The following ESR1 variants were observed in gnomAD, a reference collection of about 807,000 sequenced individuals.
ESR1 encodes the protein estrogen receptor.
Under a neutral mutation model 52.7 loss-of-function variants are expected in ESR1, and 12 were observed. The ratio of observed to expected loss-of-function variants is 0.23; its 90% confidence interval spans 0.15 to 0.37. ESR1 has a LOEUF of 0.37. Ranked by LOEUF, ESR1 falls within the 10% of genes least tolerant of loss-of-function variation. The probability of loss-of-function intolerance (pLI) is 1.00; values close to 1 mark genes in which losing one functional copy is unlikely to be tolerated. For missense variants in ESR1, 584 were observed against 779.7 expected, an observed-to-expected ratio of 0.75 and a Z score of 2.99; for synonymous variants, 305 against 316.8, an observed-to-expected ratio of 0.96 and a Z score of 0.39.
At chr6:151,739,481 A>G (rs561201826) in intron 2 of ESR1, among the ~76,000 whole-genome samples, 1 of 152,302 alleles carries the variant, frequency 6.6e-6, no homozygotes, top group Non-Finnish European at 1.5e-5. Flanking sequence ...AAGGGATTCC[A>G]AGTCCCATTC....
intron 2 of ESR1, among the ~76,000 whole-genome samples, chr6:151,758,419 G>A (rs1784428268): frequency 6.6e-6 from 1 of 152,130 alleles, no homozygotes; most frequent in South Asian, 2.1e-4. Context: ...TATAGCATGT[G>A]TGAGTTCCTG....
chr6:152,039,735 C>T (rs1337137353), intron 5 of ESR1, among the ~76,000 whole-genome samples: 2 of 152,156 alleles, frequency 1.3e-5, no homozygotes, highest in Admixed American at 1.3e-4. Flanking sequence ...TTCTGGAAAA[C>T]TTTGCCCCAG....
At chr6:151,795,252 T>A (rs890818868) in intron 2 of ESR1, among the ~76,000 whole-genome samples, 13 of 151,962 alleles carry the variant, frequency 8.6e-5, no homozygotes, top group Non-Finnish European at 1.9e-4. Flanking sequence ...GTTGGGAGGC[T>A]GAGGTGGGGG....
At chr6:151,740,192 C>A (rs1279202671) in intron 2 of ESR1, among the ~76,000 whole-genome samples, 1 of 151,748 alleles carries the variant, frequency 6.6e-6, no homozygotes, top group Non-Finnish European at 1.5e-5. Flanking sequence ...GACCTCTGCT[C>A]ACTGCAACCT....
intron 2 of ESR1, among the ~76,000 whole-genome samples, chr6:151,843,607 A>G (rs146630522): frequency 6.6e-6 from 1 of 152,312 alleles, no homozygotes; most frequent in East Asian, 1.9e-4. Flanking sequence ...GCTTAGGCTA[A>G]CCAAATTCAT....
chr6:151,716,614 T>C (rs1464697814), intron 2 of ESR1, among the ~76,000 whole-genome samples: 1 of 152,204 alleles, frequency 6.6e-6, no homozygotes, highest in Non-Finnish European at 1.5e-5. Context: ...AACTTCCTGG[T>C]GGCTTTGTTT....
intron 4 of ESR1, among the ~76,000 whole-genome samples, chr6:151,950,173 G>C (rs1480311867): frequency 6.6e-6 from 1 of 152,228 alleles, no homozygotes; most frequent in Non-Finnish European, 1.5e-5. Flanking sequence ...CAATGGAACT[G>C]TAAGTCCATT....
intron 6 of ESR1, among the ~76,000 whole-genome samples, chr6:152,110,155 T>C (rs2051114920): frequency 6.6e-6 from 1 of 152,202 alleles, no homozygotes; most frequent in African/African-American, 2.4e-5. Flanking sequence ...GAAATTAGTC[T>C]TCCTGACTTT....
chr6:152,089,664 C>T (rs1387360951), intron 6 of ESR1, among the ~76,000 whole-genome samples: 2 of 152,050 alleles, frequency 1.3e-5, no homozygotes, highest in Admixed American at 6.6e-5. Context: ...CTGCAACCTC[C>T]ACCTCCCAGG....
chr6:151,676,763 C>T (rs1162509972), intron 1 of ESR1, among the ~76,000 whole-genome samples: 2 of 152,170 alleles, frequency 1.3e-5, no homozygotes, highest in African/African-American at 4.8e-5. Context: ...CTCGCGGAAG[C>T]TGCCTCACCA....
intron 4 of ESR1, among the ~76,000 whole-genome samples, chr6:151,965,560 C>A (rs1295484697): frequency 6.6e-6 from 1 of 152,076 alleles, no homozygotes; most frequent in Non-Finnish European, 1.5e-5. Flanking sequence ...TATACCTTTC[C>A]TTTCACTTTC....
intron 3 of ESR1, among the ~76,000 whole-genome samples, chr6:151,903,781 A>ATTGATC (rs1450440746): frequency 2.3e-4 from 35 of 152,164 alleles, no homozygotes; most frequent in African/African-American, 8.4e-4. Flanking sequence ...ATCTTTGTTT[A>ATTGATC]TTGATCGCTT....
At chr6:151,911,070 AGT>A (rs1443824969) in intron 3 of ESR1, among the ~76,000 whole-genome samples, 5 of 152,202 alleles carry the variant, frequency 3.3e-5, no homozygotes, top group Non-Finnish European at 7.3e-5. Flanking sequence ...GGGCTCAGGC[AGT>A]AATGCTCGCT....
intron 4 of ESR1, among the ~76,000 whole-genome samples, chr6:151,977,430 T>A (rs2128658731): frequency 7.6e-6 from 1 of 131,072 alleles, no homozygotes; most frequent in South Asian, 2.5e-4. Context: ...ATGGATGCTA[T>A]CTGTGTAGTG....
chr6:152,016,407 T>A (rs1189635644), intron 5 of ESR1, among the ~76,000 whole-genome samples: 1 of 152,166 alleles, frequency 6.6e-6, no homozygotes, highest in Non-Finnish European at 1.5e-5. Context: ...TATAATTTTT[T>A]AAATTATCTA....
rs1196365148 is a variant in ESR1, at chr6:152,102,650, A to G, written c.*3684A>G. 9.1e-6 allele frequency: 2 copies of G among 220,592 alleles called. No homozygotes were observed. The highest frequency in any genetic ancestry group is 1.8e-5 in the Non-Finnish European group (2 of 110,038). 13.7% of individuals were successfully genotyped at this position (220,592 alleles called of 1,614,324 possible). A position where few individuals can be genotyped will look rare whatever the true frequency, so the allele number is the denominator to read the frequency against. ...TGTTTCCAACTGCATTTCCTTTCCA[A>G]TTGAATTAAAGTGTGGCCTCGTTTT... On this transcript the variant is annotated 3_prime_UTR_variant, in exon 8 of 8. Transcript: ENST00000206249.
At chr6:151,920,180 G>A (rs1335342604) in intron 3 of ESR1, among the ~76,000 whole-genome samples, 1 of 152,120 alleles carries the variant, frequency 6.6e-6, no homozygotes, top group East Asian at 1.9e-4. Flanking sequence ...AAGGTAGGAT[G>A]ATTCAGCTGT....
intron 3 of ESR1, among the ~76,000 whole-genome samples, chr6:151,902,106 C>CTG (rs1192335725): frequency 6.6e-6 from 1 of 152,212 alleles, no homozygotes; most frequent in Non-Finnish European, 1.5e-5. Context: ...TGAGCATTTA[C>CTG]TACATGAAGG....
At chr6:152,115,489 G>A (rs1323031331) in intron 6 of ESR1, among the ~76,000 whole-genome samples, 1 of 152,000 alleles carries the variant, frequency 6.6e-6, no homozygotes, top group African/African-American at 2.4e-5. Flanking sequence ...AGACCTACTA[G>A]AAGAAAATGC....
Sources: allele counts gnomAD v4.1 joint callset (sites outside exome capture counted in the v4.1 genomes callset), GRCh38; gene constraint gnomAD v4.1.1; transcripts MANE v1.5; gene names NCBI Gene and HGNC (gene_info 2026-07-23, HGNC 2026-07-21).